ADCY1: variants seen among roughly 807,000 people sequenced by gnomAD.
The protein encoded by ADCY1 is adenylate cyclase 1, also known as adenylate cyclase type 1.
Under a neutral mutation model 105.4 loss-of-function variants are expected in ADCY1, and 28 were observed. The ratio of observed to expected loss-of-function variants is 0.27; its 90% CI spans 0.20 to 0.36. The LOEUF is 0.36. Among genes scored for constraint, ADCY1 ranks in the 10% least tolerant of loss-of-function variants. The probability of loss-of-function intolerance (pLI) is 1.00; values close to 1 mark genes in which losing one functional copy is unlikely to be tolerated. For synonymous variants in ADCY1, 655 were observed against 623.8 expected (o/e 1.05, Z -0.75); for missense variants, 977 against 1,434.2 (o/e 0.68, Z 5.15).
intron 10 of ADCY1, among the ~76,000 whole-genome samples, chr7:45,678,560 T>A (rs1453863449): frequency 1.3e-5 from 2 of 152,110 alleles, no homozygotes; most frequent in Non-Finnish European, 2.9e-5. Flanking sequence ...TGCTTTTTCA[T>A]CCATGCAACA....
intron 3 of ADCY1, among the ~76,000 whole-genome samples, chr7:45,614,790 C>A (rs1793692971): frequency 6.6e-6 from 1 of 152,060 alleles, no homozygotes; most frequent in Non-Finnish European, 1.5e-5. Context: ...GACAAGAAGT[C>A]TTTATTATGA....
At position 45,689,844 on chromosome 7, in the gene ADCY1, G is replaced by A. The variant is rs987778535; in HGVS notation, c.2454+3171G>A. 9.2e-5 allele frequency among the ~76,000 whole-genome samples: 14 copies of A among 152,304 alleles called. No individual in the cohort carries two copies. The East Asian group carries it at 2.3e-3, about 25-fold the overall frequency. On this transcript the variant is annotated intron_variant, in intron 14 of 19. Coordinates refer to ENST00000297323, the MANE Select transcript of ADCY1 (RefSeq NM_021116.4). Reference sequence around the variant, plus strand: ...GGGCCTTGTGCGATGCTTCAGATTCGGTTATGGAAGGATGAGGGATGGGGT... The same window carrying A: ...GGGCCTTGTGCGATGCTTCAGATTCAGTTATGGAAGGATGAGGGATGGGGT...
chr7:45,601,137 C>G (rs1793220649), intron 2 of ADCY1, among the ~76,000 whole-genome samples: 2 of 152,144 alleles, frequency 1.3e-5, no homozygotes, highest in Admixed American at 1.3e-4. Context: ...GCTCTGGGCT[C>G]CCTGGATGGC....
At chr7:45,629,179 A>G (rs1794155512) in intron 4 of ADCY1, among the ~76,000 whole-genome samples, 1 of 152,214 alleles carries the variant, frequency 6.6e-6, no homozygotes, top group South Asian at 2.1e-4. Context: ...GGAATTTTCT[A>G]GAACCTTATA....
At chr7:45,668,509 T>C (rs547926285) in intron 8 of ADCY1, among the ~76,000 whole-genome samples, 13 of 152,368 alleles carry the variant, frequency 8.5e-5, no homozygotes, top group African/African-American at 3.1e-4. Flanking sequence ...AGCTTTTTGA[T>C]GTGCTGCTGG....
intron 14 of ADCY1, among the ~76,000 whole-genome samples, chr7:45,699,930 C>T (rs1013688678): frequency 2.0e-5 from 3 of 152,168 alleles, no homozygotes; most frequent in African/African-American, 7.2e-5. Flanking sequence ...AGAAGGGGGG[C>T]TGTGAAGTCC....
At chr7:45,701,957 C>G (rs1723465656) in intron 14 of ADCY1, among the ~76,000 whole-genome samples, 2 of 152,198 alleles carry the variant, frequency 1.3e-5, no homozygotes, top group African/African-American at 4.8e-5. Flanking sequence ...AAACACCTGG[C>G]GCCGTCTATC....
Position 45,720,066 on chromosome 7 carries a change from C to A in ADCY1, c.*6071C>A, listed in dbSNP as rs1421187578. ...AGGAATTCGGCCCTCCAGCTCCCCT[C>A]CAGTTACCAGGAGCCGATTTGGAGG... is the stretch of plus-strand genomic sequence containing the variant. On this transcript the variant is annotated 3_prime_UTR_variant, in exon 20 of 20. Transcript: ENST00000297323. 6.6e-6 allele frequency: 1 copy of A among 152,170 alleles called. No homozygotes were observed. Among genetic ancestry groups the A allele is most frequent in the Admixed American group, 6.5e-5 (1 of 15,284 alleles). 9.4% of individuals were successfully genotyped at this position (152,170 alleles called of 1,614,324 possible). A position where few individuals can be genotyped will look rare whatever the true frequency, so the allele number is the denominator to read the frequency against.
At chr7:45,654,565 C>G (rs548310927) in intron 5 of ADCY1, among the ~76,000 whole-genome samples, 1 of 152,226 alleles carries the variant, frequency 6.6e-6, no homozygotes, top group Admixed American at 6.5e-5. Context: ...GGCACTTGGG[C>G]TGTCCCCAGC....
At chr7:45,668,620 G>A (rs1457076907) in intron 8 of ADCY1, among the ~76,000 whole-genome samples, 1 of 152,104 alleles carries the variant, frequency 6.6e-6, no homozygotes, top group Non-Finnish European at 1.5e-5. Flanking sequence ...GCCAGGCTTT[G>A]GTATCAGGAT....
In ADCY1 at chr7:45,633,394, G is replaced by A. The variant is rs148816528; in HGVS notation, c.1020+10651G>A. 2.6e-3 allele frequency among the ~76,000 whole-genome samples: 390 copies of A among 152,324 alleles called. 2 individuals carry two copies. Among genetic ancestry groups the A allele is most frequent in the African/African-American group, 8.8e-3 (367 of 41,566 alleles). On this transcript the variant is annotated intron_variant, in intron 4 of 19. Transcript: ENST00000297323. ...TTGTGATAGTTTGGAAAAACTCACA[G>A]ATGAACTGCGTAGCCTAGAAATATT...
chr7:45,677,562 A>G (rs75257835), intron 8 of ADCY1, among the ~76,000 whole-genome samples: 26 of 152,258 alleles, frequency 1.7e-4, no homozygotes, highest in Non-Finnish European at 1.9e-4. Flanking sequence ...TTATGAGTTT[A>G]GGAACCTGCT....
chr7:45,713,650 C>T (rs943567937), intron 19 of ADCY1, 43 bp from the exon 20 acceptor site: 1 of 753,704 alleles, frequency 1.3e-6, no homozygotes, highest in Non-Finnish European at 2.5e-6. Flanking sequence ...AGAGGAGTCC[C>T]CCTCATTGCC....
At chr7:45,669,463 G>T (rs1159168528) in intron 8 of ADCY1, among the ~76,000 whole-genome samples, 2 of 152,158 alleles carry the variant, frequency 1.3e-5, no homozygotes, top group Non-Finnish European at 2.9e-5. Flanking sequence ...TTAATCCTGA[G>T]TTCTAGTTTG....
chr7:45,708,296 C>T lies in ADCY1; in HGVS notation c.2818-54C>T. ...TTGGGCACTGCAGGTTGGTCCCTGG[C>T]CCCCTCTTGCCTTGCACTCCCCAGA... On this transcript the variant is annotated intron_variant, in intron 17 of 19. Coordinates refer to ENST00000297323, the MANE Select transcript of ADCY1 (RefSeq NM_021116.4). This position sits in a 1 kb window ranked among gnomAD's most constrained non-coding sequence, Gnocchi z 4.7. 1.5e-6 allele frequency: 2 copies of T among 1,356,066 alleles called. No homozygotes were observed. The highest frequency in any genetic ancestry group is 2.1e-6 in the Non-Finnish European group (2 of 951,194). The allele number at this position is 1,356,066 out of a possible 1,614,324, so 84.0% of individuals were successfully genotyped here.
chr7:45,637,213 T>C (rs779971829), intron 4 of ADCY1, among the ~76,000 whole-genome samples: 12 of 152,236 alleles, frequency 7.9e-5, no homozygotes, highest in Non-Finnish European at 1.5e-4. Context: ...ATTATATACA[T>C]CTGTTTCTTC....
chr7:45,642,267 T>C (rs988090891), intron 4 of ADCY1, among the ~76,000 whole-genome samples: 16 of 152,026 alleles, frequency 1.1e-4, no homozygotes, highest in African/African-American at 3.4e-4. Context: ...TAGGATTAGA[T>C]AGTTTGAATA....
intron 1 of ADCY1, among the ~76,000 whole-genome samples, chr7:45,590,813 T>C (rs1010831627): frequency 3.3e-5 from 5 of 152,196 alleles, no homozygotes; most frequent in African/African-American, 1.2e-4. Flanking sequence ...CCGTCTGGCC[T>C]GCAGAGGGTG....
chr7:45,632,205 C>T (rs1794276092), intron 4 of ADCY1, among the ~76,000 whole-genome samples: 1 of 152,190 alleles, frequency 6.6e-6, no homozygotes, highest in Non-Finnish European at 1.5e-5. Context: ...AAAAACCACA[C>T]ACCCTGGCCC....
Sources: allele counts gnomAD v4.1 joint callset (sites outside exome capture counted in the v4.1 genomes callset), GRCh38; gene constraint gnomAD v4.1.1; non-coding constraint Gnocchi (gnomAD v3.1); transcripts MANE v1.5; gene names NCBI Gene and HGNC (gene_info 2026-07-23, HGNC 2026-07-21).